Variants in PTK2 observed in about 807,000 individuals in gnomAD.
The protein encoded by PTK2 is focal adhesion kinase 1.
Under a neutral mutation model 150.1 loss-of-function variants are expected in PTK2, and 45 were observed. The observed-to-expected ratio is 0.30, with a 90% CI of 0.24 to 0.38. The LOEUF (loss-of-function observed/expected upper bound fraction) is 0.38, where lower values mean the gene tolerates loss of function less well. PTK2 is among the 10% of genes least tolerant of loss of function. PTK2 has a pLI of 1.00. For synonymous variants in PTK2, 432 were observed against 449.2 expected, an observed-to-expected ratio of 0.96 and a Z score of 0.48; for missense variants, 919 against 1,307.3, an observed-to-expected ratio of 0.70 and a Z score of 4.58.
chr8:140,920,213 T>C (rs908583786), intron 2 of PTK2, among the ~76,000 whole-genome samples: 6 of 152,162 alleles, frequency 3.9e-5, no homozygotes, highest in Admixed American at 6.5e-5. Flanking sequence ...ACCAATTACA[T>C]AGCATTTTTA....
chr8:140,874,241 T>C (rs2100144272), intron 4 of PTK2, among the ~76,000 whole-genome samples: 2 of 152,220 alleles, frequency 1.3e-5, no homozygotes, highest in East Asian at 1.9e-4. Flanking sequence ...ACCAAGCTGT[T>C]TGAAGAGTGA....
At chr8:140,784,937 C>T (rs530196849) in intron 14 of PTK2, among the ~76,000 whole-genome samples, 3 of 152,200 alleles carry the variant, frequency 2.0e-5, no homozygotes, top group African/African-American at 4.8e-5. Context: ...TATTTTGCAA[C>T]AAAATATGAA....
intron 1 of PTK2, among the ~76,000 whole-genome samples, chr8:140,950,615 G>A (rs565280299): frequency 1.5e-3 from 229 of 152,336 alleles, no homozygotes; most frequent in Non-Finnish European, 2.6e-3. Flanking sequence ...CCGAGTAGGC[G>A]AACAAGCCCA....
At chr8:140,991,929 G>A (rs72689178) in intron 1 of PTK2, among the ~76,000 whole-genome samples, 8,735 of 151,954 alleles carry the variant, frequency 0.057, 365 homozygotes, top group Non-Finnish European at 0.082. Context: ...CTGGGAGGTC[G>A]AAGCCGCAGT....
chr8:140,684,596 T>C (rs1305619229), intron 27 of PTK2, among the ~76,000 whole-genome samples: 2 of 152,206 alleles, frequency 1.3e-5, no homozygotes, highest in Non-Finnish European at 2.9e-5. Flanking sequence ...GAATCAAGAA[T>C]GCAATCCCAT....
At chr8:140,818,278 T>C (rs766781906) in exon 10 of PTK2, 4 of 1,612,170 alleles carry the variant, frequency 2.5e-6, no homozygotes, top group East Asian at 4.5e-5. Context: ...CAGACTTACA[T>C]TGCAGCCCTT....
intron 4 of PTK2, among the ~76,000 whole-genome samples, chr8:140,869,321 C>T (rs1198938899): frequency 1.3e-5 from 2 of 152,190 alleles, no homozygotes; most frequent in Admixed American, 1.3e-4. Flanking sequence ...AAAGAACATG[C>T]TTCTAAAGAT....
chr8:140,728,199 C>G (rs960739529), intron 22 of PTK2, among the ~76,000 whole-genome samples: 1 of 77,498 alleles, frequency 1.3e-5, no homozygotes, highest in Admixed American at 1.5e-4. Context: ...GACTCCGTCT[C>G]AAAAAAAAAA....
intron 17 of PTK2, chr8:140,747,157 T>C (rs1479831062): frequency 3.9e-6 from 1 of 255,162 alleles, no homozygotes. Flanking sequence ...CCCAAAGTGC[T>C]GGGATTACAG....
At chr8:140,955,837 A>G (rs989031440) in intron 1 of PTK2, among the ~76,000 whole-genome samples, 1 of 152,222 alleles carries the variant, frequency 6.6e-6, no homozygotes, top group Non-Finnish European at 1.5e-5. Flanking sequence ...ACAAGGGGTA[A>G]AGAAGGTGGA....
intron 1 of PTK2, among the ~76,000 whole-genome samples, chr8:140,940,192 T>C (rs761439436): frequency 1.3e-5 from 2 of 152,210 alleles, no homozygotes; most frequent in Non-Finnish European, 2.9e-5. Flanking sequence ...ACAGTTATGT[T>C]CATGATGAAA....
rs139442064 is a variant in PTK2 at position 140,664,946 on chromosome 8, G to C, written c.2917C>G (p.Pro973Ala). The C allele has an allele frequency of 8.7e-6, 14 of 1,613,380 alleles. No individual in the cohort carries two copies. The African/African-American group carries it at 1.7e-4, about 20-fold the overall frequency. ...CGGTGGGTGCTGGCTGGTAGGAGGG[G>C]AATGGTCTCATCCACAGTGGCCAAT... Residue 973 changes from proline (P) to alanine (A), a missense_variant, in exon 31 of 32, where the codon CCC becomes GCC. Around this residue, in one of 3 missense-constraint regions of PTK2, gnomAD observed 106 missense variants for 161.8 expected, o/e 0.66. Coordinates refer to ENST00000522684, the Ensembl canonical transcript of PTK2.
intron 31 of PTK2, among the ~76,000 whole-genome samples, chr8:140,663,489 T>G (rs1287170234): frequency 6.6e-6 from 1 of 152,198 alleles, no homozygotes; most frequent in Admixed American, 6.5e-5. Flanking sequence ...GACTCTGTAG[T>G]GGGGACGCAT....
At chr8:140,779,518 T>A (rs1238564044) in intron 14 of PTK2, among the ~76,000 whole-genome samples, 1 of 152,104 alleles carries the variant, frequency 6.6e-6, no homozygotes, top group Non-Finnish European at 1.5e-5. Flanking sequence ...TCAGACACCA[T>A]CAGTAGGGTT....
chr8:140,693,805 A>G (rs553027603), intron 26 of PTK2, among the ~76,000 whole-genome samples: 1 of 152,186 alleles, frequency 6.6e-6, no homozygotes, highest in South Asian at 2.1e-4. Flanking sequence ...TGATGTGATG[A>G]TGTGATCTCT....
chr8:140,916,949 T>A (rs908618165), intron 2 of PTK2, among the ~76,000 whole-genome samples: 2 of 152,122 alleles, frequency 1.3e-5, no homozygotes, highest in Non-Finnish European at 2.9e-5. Context: ...CAAACATTTG[T>A]GAGAATGGAA....
At chr8:140,786,967 T>C (rs969749750) in intron 14 of PTK2, among the ~76,000 whole-genome samples, 1 of 151,672 alleles carries the variant, frequency 6.6e-6, no homozygotes, top group Non-Finnish European at 1.5e-5. Flanking sequence ...TAAAAAACAA[T>C]GTAGATGAGG....
rs28508037 is a variant in PTK2, at chr8:140,670,540, T to C, written c.2710-2116A>G. ...ACACACACACACACACACACACACA[T>C]TGGGAGCTTATTTTAAAAACAAAAA... On this transcript the variant is annotated intron_variant, in intron 29 of 31. Coordinates refer to ENST00000522684, the Ensembl canonical transcript of PTK2. 9.8e-3 allele frequency among the ~76,000 whole-genome samples: 948 copies of C among 96,260 alleles called. 27 individuals carry two copies. Among genetic ancestry groups the C allele is most frequent in the African/African-American group, 0.038 (900 of 23,666 alleles). The allele number at this position is 96,260 out of a possible 152,430, so 63.2% of individuals were successfully genotyped here.
At chr8:140,814,527 C>T (rs1321352252) in intron 10 of PTK2, among the ~76,000 whole-genome samples, 1 of 152,086 alleles carries the variant, frequency 6.6e-6, no homozygotes, top group Admixed American at 6.5e-5. Flanking sequence ...AAATGTGATT[C>T]ATCACATAAA....
Sources: gnomAD v4.1 joint callset for allele counts (sites outside exome capture counted in the v4.1 genomes callset) on GRCh38, gnomAD v4.1.1 for gene constraint, gnomAD v4.1.1 regional missense constraint, MANE v1.5 for transcripts, NCBI Gene and HGNC (gene_info 2026-07-23, HGNC 2026-07-21) for gene names.